Variants in CSMD1 observed in about 807,000 individuals in gnomAD.
The protein encoded by CSMD1 is CUB and sushi domain-containing protein 1.
Under a neutral mutation model 417.5 loss-of-function variants are expected in CSMD1, and 213 were observed. That is an observed-to-expected ratio of 0.51 (90% confidence interval 0.46 to 0.57). The LOEUF is 0.57. CSMD1 is among the 20% of genes least tolerant of loss of function. The probability of loss-of-function intolerance (pLI) is 0.00; values close to 1 mark genes in which losing one functional copy is unlikely to be tolerated. For synonymous variants in CSMD1, 2,862 were observed against 1,736.8 expected (o/e 1.65, Z -16.11); for missense variants, 6,923 against 4,529.7 (o/e 1.53, Z -15.17).
chr8:3,231,059 T>TC (rs1563165507), intron 26 of CSMD1, among the ~76,000 whole-genome samples: 2 of 151,960 alleles, frequency 1.3e-5, no homozygotes, highest in Admixed American at 6.6e-5. Context: ...TGCCTGCGCC[T>TC]AATCACAGAA....
intron 1 of CSMD1, among the ~76,000 whole-genome samples, chr8:4,768,004 T>C (rs1225753075): frequency 1.3e-5 from 2 of 152,116 alleles, no homozygotes; most frequent in East Asian, 1.9e-4. Context: ...GGGCATTCAA[T>C]TCACATTTAC....
At chr8:4,195,241 A>C (rs1230340118) in intron 3 of CSMD1, among the ~76,000 whole-genome samples, 1 of 152,186 alleles carries the variant, frequency 6.6e-6, no homozygotes, top group Non-Finnish European at 1.5e-5. Flanking sequence ...AGATTTTTTA[A>C]TTTGTTTTTT....
At chr8:4,821,813 T>C (rs1799540409) in intron 1 of CSMD1, among the ~76,000 whole-genome samples, 1 of 152,140 alleles carries the variant, frequency 6.6e-6, no homozygotes, top group Admixed American at 6.6e-5. Context: ...TGTAACTAAA[T>C]AAAAGCCAAC....
chr8:2,980,103 G>C (rs1204618661), intron 54 of CSMD1, among the ~76,000 whole-genome samples: 2 of 152,328 alleles, frequency 1.3e-5, no homozygotes, highest in East Asian at 3.9e-4. Context: ...TCCCGGGCTG[G>C]AACACTAAAG....
intron 1 of CSMD1, among the ~76,000 whole-genome samples, chr8:4,642,103 T>C (rs749796925): frequency 6.6e-6 from 1 of 152,216 alleles, no homozygotes; most frequent in African/African-American, 2.4e-5. Flanking sequence ...CTGTAGGTGC[T>C]ACTCTCTATC....
At chr8:4,418,364 A>G (rs1426344682) in intron 3 of CSMD1, among the ~76,000 whole-genome samples, 1 of 152,098 alleles carries the variant, frequency 6.6e-6, no homozygotes, top group Non-Finnish European at 1.5e-5. Flanking sequence ...TTTCTTCATT[A>G]TACCATCATG....
intron 3 of CSMD1, among the ~76,000 whole-genome samples, chr8:4,366,322 G>C (rs185924106): frequency 3.3e-5 from 5 of 151,710 alleles, no homozygotes; most frequent in Non-Finnish European, 7.4e-5. Flanking sequence ...TCTTTAGCCA[G>C]TTCACCATTG....
chr8:4,985,965 C>G (rs1418789959), intron 1 of CSMD1, among the ~76,000 whole-genome samples: 1 of 152,160 alleles, frequency 6.6e-6, no homozygotes, highest in Non-Finnish European at 1.5e-5. Flanking sequence ...AAAAATGTGA[C>G]TCTTCTTAGT....
At chr8:4,025,294 C>T (rs1436091938) in intron 4 of CSMD1, among the ~76,000 whole-genome samples, 3 of 152,276 alleles carry the variant, frequency 2.0e-5, no homozygotes, top group Admixed American at 6.5e-5. Context: ...ATCCAAAATC[C>T]ACACAGTGGA....
rs544743664 is a variant in CSMD1 at position 3,163,810 on chromosome 8, G to A, written c.5726-1533C>T. 5.2e-4 allele frequency among the ~76,000 whole-genome samples: 79 copies of A among 152,232 alleles called. 1 individual carries two copies. The South Asian group carries it at 7.5e-3, about 14-fold the overall frequency. ...CTGCATGGCTGTCACTGTGCCAGAC[G>A]CATTATACTAACTCCAGTCCCCACC... On this transcript the variant is annotated intron_variant, in intron 37 of 69. Coordinates refer to ENST00000635120, the MANE Select transcript of CSMD1 (RefSeq NM_033225.6).
At chr8:3,055,457 A>G (rs1417699067) in intron 49 of CSMD1, among the ~76,000 whole-genome samples, 2 of 152,244 alleles carry the variant, frequency 1.3e-5, no homozygotes, top group Non-Finnish European at 2.9e-5. Flanking sequence ...TAATGGAGAC[A>G]CAGCATAATC....
chr8:4,480,136 A>G (rs1037807243), intron 2 of CSMD1, among the ~76,000 whole-genome samples: 2 of 151,296 alleles, frequency 1.3e-5, no homozygotes. Flanking sequence ...TTTCATTGAG[A>G]ATCTGTTTTC....
At chr8:3,739,935 T>C (rs1008569493) in intron 6 of CSMD1, among the ~76,000 whole-genome samples, 5 of 152,158 alleles carry the variant, frequency 3.3e-5, no homozygotes, top group Non-Finnish European at 7.3e-5. Flanking sequence ...CTCTAAAAAT[T>C]ACAGAGAAAC....
At chr8:4,823,995 T>C (rs1475606273) in intron 1 of CSMD1, among the ~76,000 whole-genome samples, 3 of 151,490 alleles carry the variant, frequency 2.0e-5, no homozygotes, top group East Asian at 1.9e-4. Flanking sequence ...CACACACATA[T>C]ACAATCATGG....
At chr8:4,206,679 A>C (rs913552517) in intron 3 of CSMD1, among the ~76,000 whole-genome samples, 4 of 152,176 alleles carry the variant, frequency 2.6e-5, no homozygotes, top group African/African-American at 4.8e-5. Flanking sequence ...GCATGATCTA[A>C]AATCCTTTGG....
intron 42 of CSMD1, among the ~76,000 whole-genome samples, chr8:3,116,761 T>A (rs907528314): frequency 1.2e-4 from 19 of 152,290 alleles, no homozygotes; most frequent in Middle Eastern, 3.4e-3. Flanking sequence ...TAGTTTTTTT[T>A]AAATATCAAG....
In CSMD1 at chr8:3,914,466, A is replaced by G. The variant is rs572577109; in HGVS notation, c.818+83437T>C. Among the ~76,000 whole-genome samples, 290 of 152,272 alleles carry G rather than the reference A, an allele frequency of 1.9e-3. 1 individual carries two copies. The highest frequency in any genetic ancestry group is 6.6e-3 in the African/African-American group (276 of 41,524). ...TATTTCTAACGCTAATTATTATTATATCATGTTTTGAGTAAGGACAGTGTG... is the reference window on the plus strand; with the variant it reads ...TATTTCTAACGCTAATTATTATTATGTCATGTTTTGAGTAAGGACAGTGTG... On this transcript the variant is annotated intron_variant, in intron 5 of 69. Coordinates refer to ENST00000635120, the MANE Select transcript of CSMD1 (RefSeq NM_033225.6).
chr8:3,604,898 C>T (rs942588585), intron 8 of CSMD1, among the ~76,000 whole-genome samples: 1 of 152,118 alleles, frequency 6.6e-6, no homozygotes, highest in African/African-American at 2.4e-5. Context: ...TGCTTTTGGG[C>T]TTGGGCTTGT....
intron 2 of CSMD1, among the ~76,000 whole-genome samples, chr8:4,476,221 T>C (rs1470326801): frequency 6.6e-6 from 1 of 152,110 alleles, no homozygotes; most frequent in Non-Finnish European, 1.5e-5. Flanking sequence ...AAAATAAAAC[T>C]TTTTTAAAAA....
Sources: gnomAD v4.1 joint callset for allele counts (sites outside exome capture counted in the v4.1 genomes callset) on GRCh38, gnomAD v4.1.1 for gene constraint, MANE v1.5 for transcripts, NCBI Gene and HGNC (gene_info 2026-07-23, HGNC 2026-07-21) for gene names.